LARGE1: variants seen among roughly 807,000 people sequenced by gnomAD.
LARGE1 encodes xylosyl- and glucuronyltransferase LARGE1.
A neutral mutation model predicts 87.6 loss-of-function variants in LARGE1; 43 were observed. The observed-to-expected ratio is 0.49, with a 90% CI of 0.38 to 0.63. The LOEUF (loss-of-function observed/expected upper bound fraction) is 0.63, where lower values mean the gene tolerates loss of function less well. Ranked by LOEUF, LARGE1 falls within the 30% of genes least tolerant of loss-of-function variation. LARGE1 has a pLI of 0.00. For missense variants in LARGE1, 802 were observed against 1,000.2 expected, an observed-to-expected ratio of 0.80 and a Z score of 2.67; for synonymous variants, 434 against 394.6, an observed-to-expected ratio of 1.10 and a Z score of -1.18.
chr22:33,862,831 G>A (rs1446128100), intron 1 of LARGE1, among the ~76,000 whole-genome samples: 3 of 152,002 alleles, frequency 2.0e-5, no homozygotes, highest in African/African-American at 4.8e-5. Flanking sequence ...TTTTATCAGA[G>A]GTCAAAAGAG....
chr22:33,203,095 C>G (rs5007855), intron 11 of LARGE1, among the ~76,000 whole-genome samples: 29,817 of 132,426 alleles, frequency 0.23, 3,286 homozygotes, highest in Middle Eastern at 0.37. Context: ...CTCTCTCTCT[C>G]TCTCTCTGTG....
At chr22:33,649,553 T>A (rs191112234) in intron 3 of LARGE1, among the ~76,000 whole-genome samples, 11 of 152,198 alleles carry the variant, frequency 7.2e-5, no homozygotes, top group African/African-American at 2.2e-4. Flanking sequence ...CAGGTATTAT[T>A]TCCTAAAGTT....
Position 33,721,739 on chromosome 22 carries a change from C to T in LARGE1, c.106+39632G>A, listed in dbSNP as rs918439332. Among the ~76,000 whole-genome samples, 16 of 152,116 alleles carry T rather than the reference C, an allele frequency of 1.1e-4. No individual in the cohort carries two copies. In the East Asian group the frequency reaches 3.1e-3, roughly 29 times the overall value. On this transcript the variant is annotated intron_variant, in intron 2 of 14. Transcript: ENST00000397394. The stretch of plus-strand genomic sequence containing the variant: ...GGTATCGTAGAAAAACTCTAAGTGG[C>T]ATAGAAGGACAAAGAACTTCTCACA...
chr22:33,624,074 CT>C (rs2079844489), intron 4 of LARGE1, among the ~76,000 whole-genome samples: 1 of 152,114 alleles, frequency 6.6e-6, no homozygotes, highest in Non-Finnish European at 1.5e-5. Flanking sequence ...AAACGAACTG[CT>C]GACAATCACT....
intron 9 of LARGE1, among the ~76,000 whole-genome samples, chr22:33,373,756 T>C (rs2064898311): frequency 6.6e-6 from 1 of 151,958 alleles, no homozygotes; most frequent in Non-Finnish European, 1.5e-5. Context: ...AGGCAGATCA[T>C]GAAGTCAGGA....
At chr22:33,213,600 G>C (rs1645008409) in intron 11 of LARGE1, among the ~76,000 whole-genome samples, 1 of 152,174 alleles carries the variant, frequency 6.6e-6, no homozygotes, top group African/African-American at 2.4e-5. Context: ...ATCAAGGCAA[G>C]ATCATCCGCC....
chr22:33,248,302 C>T lies in LARGE1; in HGVS notation c.1730+55927G>A, dbSNP rs181352928. 4.5e-4 allele frequency among the ~76,000 whole-genome samples: 69 copies of T among 152,274 alleles called. 1 individual carries two copies. Among genetic ancestry groups the T allele is most frequent in the South Asian group, 3.1e-3 (15 of 4,818 alleles). On this transcript the variant is annotated intron_variant, in intron 11 of 11. Coordinates refer to the LARGE1 transcript ENST00000608642. ...TCCCAGGTTCAAGCAATTTTCCTGC[C>T]TCAGCCTCCTGAGTAGCTAGGACCA...
At chr22:33,315,627 T>C (rs1284320024) in intron 11 of LARGE1, among the ~76,000 whole-genome samples, 1 of 151,886 alleles carries the variant, frequency 6.6e-6, no homozygotes, top group African/African-American at 2.4e-5. Context: ...TTATCAGTAC[T>C]CTTTTTTTTT....
chr22:33,599,100 A>G (rs2079050935), intron 5 of LARGE1, among the ~76,000 whole-genome samples: 1 of 152,132 alleles, frequency 6.6e-6, no homozygotes, highest in African/African-American at 2.4e-5. Flanking sequence ...GCTGTGGTCC[A>G]TATCTTTCAA....
chr22:33,527,236 A>G (rs926402837), intron 6 of LARGE1, among the ~76,000 whole-genome samples: 1 of 152,238 alleles, frequency 6.6e-6, no homozygotes, highest in Non-Finnish European at 1.5e-5. Context: ...GGCCTGGGCA[A>G]CAAGAGCAAA....
chr22:33,713,799 A>G (rs1200824009), intron 2 of LARGE1, among the ~76,000 whole-genome samples: 1 of 151,870 alleles, frequency 6.6e-6, no homozygotes, highest in Non-Finnish European at 1.5e-5. Context: ...CCTACAAAAA[A>G]TTTAATATTA....
At chr22:33,208,492 A>G (rs911139715) in intron 11 of LARGE1, among the ~76,000 whole-genome samples, 5 of 152,184 alleles carry the variant, frequency 3.3e-5, no homozygotes, top group African/African-American at 1.2e-4. Flanking sequence ...CCAGTGTAGT[A>G]GCCATTGGAG....
chr22:33,423,084 T>A (rs2066751908), intron 7 of LARGE1, among the ~76,000 whole-genome samples: 1 of 152,042 alleles, frequency 6.6e-6, no homozygotes, highest in South Asian at 2.1e-4. Context: ...CTTCCTGTTA[T>A]CTGATACTTT....
chr22:33,682,588 T>C (rs1339551066), intron 2 of LARGE1, among the ~76,000 whole-genome samples: 1 of 152,248 alleles, frequency 6.6e-6, no homozygotes, highest in Admixed American at 6.5e-5. Context: ...CCATCTTCCA[T>C]TTCCGCAACT....
At chr22:33,078,640 C>G in the LARGE1 span, among the ~76,000 whole-genome samples, 1 of 152,194 alleles carries the variant, frequency 6.6e-6, no homozygotes, top group South Asian at 2.1e-4. Context: ...CCTCTATGTA[C>G]TCATGTTTTT....
chr22:33,377,761 C>T (rs1601631911), intron 9 of LARGE1, among the ~76,000 whole-genome samples: 1 of 152,108 alleles, frequency 6.6e-6, no homozygotes, highest in East Asian at 1.9e-4. Flanking sequence ...TATCTCTTTT[C>T]ATTCTGTGTT....
chr22:33,374,038 T>C (rs892758841), intron 9 of LARGE1, among the ~76,000 whole-genome samples: 1 of 149,888 alleles, frequency 6.7e-6, no homozygotes, highest in African/African-American at 2.5e-5. Flanking sequence ...TCCACCAGTA[T>C]ACCTTGATTT....
At chr22:33,372,993 G>C (rs576487237) in intron 9 of LARGE1, among the ~76,000 whole-genome samples, 1 of 152,304 alleles carries the variant, frequency 6.6e-6, no homozygotes, top group South Asian at 2.1e-4. Flanking sequence ...ACAATCTTAT[G>C]TGGTAAATTT....
Position 33,315,134 on chromosome 22 carries a change from G to A in LARGE1, c.1451+951C>T, listed in dbSNP as rs527436021. On this transcript the variant is annotated intron_variant, in intron 11 of 14. Transcript: ENST00000397394. ...TGAGGCAGAAGAATGGTGTGAACCC[G>A]GGAGGCGTGTATTGCTGTTTATGTG... 3.3e-5 allele frequency among the ~76,000 whole-genome samples: 5 copies of A among 152,266 alleles called. No homozygotes were observed. The East Asian group carries it at 5.8e-4, about 18-fold the overall frequency.
Sources: gnomAD v4.1 joint callset for allele counts (sites outside exome capture counted in the v4.1 genomes callset) on GRCh38, gnomAD v4.1.1 for gene constraint, MANE v1.5 for transcripts, NCBI Gene and HGNC (gene_info 2026-07-23, HGNC 2026-07-21) for gene names.